The following LSAMP variants were observed in gnomAD, a reference collection of about 807,000 sequenced individuals.
The protein encoded by LSAMP is limbic system-associated membrane protein.
LSAMP carries 7 observed loss-of-function variants against 38.6 expected under a neutral mutation model. That is an observed-to-expected ratio of 0.18 (90% confidence interval 0.10 to 0.34). LSAMP has a LOEUF of 0.34. Among genes scored for constraint, LSAMP ranks in the 10% least tolerant of loss-of-function variants. The pLI, the probability that LSAMP is intolerant of heterozygous loss-of-function variation, is 1.00. For synonymous variants in LSAMP, 154 were observed against 166.8 expected, an observed-to-expected ratio of 0.92 and a Z score of 0.59; for missense variants, 313 against 420.0, an observed-to-expected ratio of 0.75 and a Z score of 2.23.
At chr3:115,870,044 AT>A (rs984439477) in intron 3 of LSAMP, among the ~76,000 whole-genome samples, 31 of 152,238 alleles carry the variant, frequency 2.0e-4, no homozygotes, top group Non-Finnish European at 3.7e-4. Flanking sequence ...TTAAAATAAT[AT>A]TTTTTGACAC....
chr3:116,324,131 T>G (rs2047740548), intron 1 of LSAMP, among the ~76,000 whole-genome samples: 1 of 152,164 alleles, frequency 6.6e-6, no homozygotes, highest in African/African-American at 2.4e-5. Flanking sequence ...GTGTATGTCT[T>G]GTTGGAAATT....
intron 2 of LSAMP, among the ~76,000 whole-genome samples, chr3:116,024,400 CTCT>C (rs1940729124): frequency 6.6e-6 from 1 of 152,232 alleles, no homozygotes; most frequent in South Asian, 2.1e-4. Flanking sequence ...TAAAATAGAG[CTCT>C]TATCAATATT....
intron 3 of LSAMP, among the ~76,000 whole-genome samples, chr3:115,888,921 C>A (rs1395724807): frequency 1.3e-5 from 2 of 151,852 alleles, no homozygotes; most frequent in African/African-American, 4.8e-5. Flanking sequence ...AAAGAGACAG[C>A]CCCCTATACC....
chr3:116,396,279 A>C (rs774094474), intron 1 of LSAMP, among the ~76,000 whole-genome samples: 1 of 152,208 alleles, frequency 6.6e-6, no homozygotes, highest in Non-Finnish European at 1.5e-5. Context: ...ACTTCCATAC[A>C]TACAGTTTTA....
At chr3:116,156,723 A>G (rs1269325961) in intron 1 of LSAMP, among the ~76,000 whole-genome samples, 1 of 152,152 alleles carries the variant, frequency 6.6e-6, no homozygotes, top group Non-Finnish European at 1.5e-5. Context: ...GACCAGTATG[A>G]TGAGATGACA....
At chr3:116,296,568 G>T (rs904840805) in intron 1 of LSAMP, among the ~76,000 whole-genome samples, 1 of 151,804 alleles carries the variant, frequency 6.6e-6, no homozygotes, top group South Asian at 2.1e-4. Context: ...CGTGGCGGGC[G>T]CCCGTAGTCC....
chr3:116,318,221 C>T (rs2047659543), intron 1 of LSAMP, among the ~76,000 whole-genome samples: 1 of 151,764 alleles, frequency 6.6e-6, no homozygotes, highest in Non-Finnish European at 1.5e-5. Flanking sequence ...TTTTAAGTTC[C>T]TTAGACAATC....
At chr3:115,843,188 TG>T (rs1026951797) in intron 4 of LSAMP, among the ~76,000 whole-genome samples, 11 of 152,294 alleles carry the variant, frequency 7.2e-5, no homozygotes, top group African/African-American at 2.6e-4. Flanking sequence ...CTTTTATGTG[TG>T]GGGGTACGGT....
chr3:115,846,464 A>G (rs4254657), intron 4 of LSAMP, among the ~76,000 whole-genome samples: 33,142 of 152,156 alleles, frequency 0.22, 3,745 homozygotes, highest in African/African-American at 0.26. Context: ...AATATTCTGA[A>G]TAGAAAATTT....
chr3:116,076,424 A>C (rs1330651339), intron 2 of LSAMP, among the ~76,000 whole-genome samples: 2 of 151,750 alleles, frequency 1.3e-5, no homozygotes, highest in Non-Finnish European at 2.9e-5. Flanking sequence ...CGCCCAGCTA[A>C]TTTTTTGTAT....
chr3:116,265,970 C>T (rs1278075428), intron 1 of LSAMP, among the ~76,000 whole-genome samples: 2 of 151,376 alleles, frequency 1.3e-5, no homozygotes, highest in African/African-American at 4.8e-5. Context: ...TTTTTTTCCC[C>T]TTCAATAACT....
intron 1 of LSAMP, among the ~76,000 whole-genome samples, chr3:116,426,524 T>C (rs1268827997): frequency 1.3e-5 from 2 of 148,904 alleles, no homozygotes; most frequent in African/African-American, 4.9e-5. Flanking sequence ...AATACAGTCA[T>C]GCACTGATAA....
At chr3:116,266,522 G>C (rs747907085) in intron 1 of LSAMP, among the ~76,000 whole-genome samples, 1 of 152,120 alleles carries the variant, frequency 6.6e-6, no homozygotes, top group Non-Finnish European at 1.5e-5. Context: ...CCATAGCAGA[G>C]GGTGTTCAAT....
chr3:116,426,027 A>G (rs1288041990), intron 1 of LSAMP, among the ~76,000 whole-genome samples: 1 of 152,174 alleles, frequency 6.6e-6, no homozygotes, highest in Admixed American at 6.5e-5. Context: ...CTGGAGGCCA[A>G]TTTTAGTTTA....
intron 1 of LSAMP, among the ~76,000 whole-genome samples, chr3:116,230,378 G>A (rs796749779): frequency 3.3e-5 from 5 of 152,250 alleles, no homozygotes; most frequent in African/African-American, 1.2e-4. Flanking sequence ...AGCAAAAAGT[G>A]AATGGATGGT....
intron 3 of LSAMP, among the ~76,000 whole-genome samples, chr3:115,925,632 GTAAC>G (rs1937481649): frequency 6.6e-6 from 1 of 152,166 alleles, no homozygotes; most frequent in South Asian, 2.1e-4. Flanking sequence ...TTTTTGGAGT[GTAAC>G]TAATATGAAC....
At chr3:116,259,608 A>C (rs1210711937) in intron 1 of LSAMP, among the ~76,000 whole-genome samples, 4 of 152,186 alleles carry the variant, frequency 2.6e-5, no homozygotes, top group African/African-American at 9.6e-5. Context: ...AATGATGTGC[A>C]TGCAAGTAGT....
intron 3 of LSAMP, among the ~76,000 whole-genome samples, chr3:115,995,616 A>C (rs1939793837): frequency 6.6e-6 from 1 of 152,134 alleles, no homozygotes; most frequent in Non-Finnish European, 1.5e-5. Context: ...CCAATAACCT[A>C]TTCAATGACC....
intron 3 of LSAMP, among the ~76,000 whole-genome samples, chr3:115,989,902 G>T (rs1195527983): frequency 6.6e-6 from 1 of 152,026 alleles, no homozygotes; most frequent in African/African-American, 2.4e-5. Context: ...AACCCAAGAT[G>T]ATGTTAGAGG....
Sources: allele counts gnomAD v4.1 joint callset (sites outside exome capture counted in the v4.1 genomes callset), GRCh38; gene constraint gnomAD v4.1.1; transcripts MANE v1.5; gene names NCBI Gene and HGNC (gene_info 2026-07-23, HGNC 2026-07-21).